CFAP61: variants seen among roughly 807,000 people sequenced by gnomAD.
The protein encoded by CFAP61 is cilia and flagella associated protein 61.
In CFAP61, 107 loss-of-function variants were observed where a neutral mutation model predicts 135.6. That is an observed-to-expected ratio of 0.79 (90% CI 0.67 to 0.93). The LOEUF (loss-of-function observed/expected upper bound fraction) is 0.93. Ranked by LOEUF, CFAP61 falls within the 40% of genes least tolerant of loss-of-function variation. The pLI is 0.00. For missense variants in CFAP61, 1,507 were observed against 1,556.2 expected, an observed-to-expected ratio of 0.97 and a Z score of 0.53; for synonymous variants, 575 against 578.5, an observed-to-expected ratio of 0.99 and a Z score of 0.09.
chr20:20,211,786 T>G (rs1396024967), intron 17 of CFAP61, among the ~76,000 whole-genome samples: 4 of 152,226 alleles, frequency 2.6e-5, no homozygotes. Context: ...GTAATTGTGG[T>G]TTTTATGGTA....
At chr20:20,200,026 A>G in intron 17 of CFAP61, 124 bp downstream of exon 17, 1 of 1,152,692 alleles carries the variant, frequency 8.7e-7, no homozygotes, top group South Asian at 1.4e-5. Flanking sequence ...TGGTGCTCAT[A>G]CCCTTACAGG....
chr20:20,071,155 G>A (rs1341326569), intron 3 of CFAP61, 151 bp downstream of exon 3: 4 of 817,942 alleles, frequency 4.9e-6, no homozygotes, highest in Non-Finnish European at 7.4e-6. Flanking sequence ...GGAAAAGAGG[G>A]CTGAGAGTAG....
At chr20:20,229,722 A>G (rs2048995935) in intron 18 of CFAP61, among the ~76,000 whole-genome samples, 1 of 152,242 alleles carries the variant, frequency 6.6e-6, no homozygotes, top group Non-Finnish European at 1.5e-5. Flanking sequence ...CTTTCTAGCC[A>G]GTTTGTTCAG....
At chr20:20,147,774 GTTTTTTT>G (rs373069233) in intron 9 of CFAP61, among the ~76,000 whole-genome samples, 1 of 150,584 alleles carries the variant, frequency 6.6e-6, no homozygotes, top group Non-Finnish European at 1.5e-5. Flanking sequence ...TTGGTTTTTT[GTTTTTTT>G]TTTTGCATTT....
chr20:20,140,774 T>C (rs6035559), intron 8 of CFAP61, among the ~76,000 whole-genome samples: 135,941 of 151,574 alleles, frequency 0.9, 61,768 homozygotes, highest in Middle Eastern at 0.99. Context: ...GTATGCTTAT[T>C]GCGGCACTAT....
chr20:20,085,378 G>A (rs991143246), intron 6 of CFAP61: 63 of 1,341,244 alleles, frequency 4.7e-5, no homozygotes, highest in Non-Finnish European at 5.2e-5. Context: ...ATTAGCACTC[G>A]GGCTGATGCA....
intron 13 of CFAP61, among the ~76,000 whole-genome samples, chr20:20,180,405 CAT>C (rs2054974996): frequency 6.6e-6 from 1 of 151,520 alleles, no homozygotes; most frequent in Non-Finnish European, 1.5e-5. Flanking sequence ...AGCCAACAAT[CAT>C]AAGAAAAAAA....
At chr20:20,318,818 G>A (rs2057283486) in intron 25 of CFAP61, among the ~76,000 whole-genome samples, 1 of 152,184 alleles carries the variant, frequency 6.6e-6, no homozygotes, top group African/African-American at 2.4e-5. Context: ...ATCCTGGGCA[G>A]ACAAAAAGCT....
At chr20:20,247,380 G>A (rs1295113560) in intron 19 of CFAP61, among the ~76,000 whole-genome samples, 5 of 152,186 alleles carry the variant, frequency 3.3e-5, no homozygotes, top group Non-Finnish European at 5.9e-5. Flanking sequence ...GTGACGCTGC[G>A]TGGGCAGACT....
intron 25 of CFAP61, among the ~76,000 whole-genome samples, chr20:20,340,922 C>T (rs1478911817): frequency 1.3e-5 from 2 of 152,140 alleles, no homozygotes; most frequent in African/African-American, 2.4e-5. Context: ...CTCTCGGCGT[C>T]GTATCTGTCC....
At chr20:20,280,800 T>C (rs2054148556) in intron 22 of CFAP61, among the ~76,000 whole-genome samples, 1 of 152,208 alleles carries the variant, frequency 6.6e-6, no homozygotes, top group Admixed American at 6.5e-5. Flanking sequence ...GCCATGTTGC[T>C]CTCCAAAGTA....
rs2054767767 is a variant in CFAP61 at position 20,288,606 on chromosome 20, TA to T, written c.2797-2del. ...AATATTGCTGTAATTGTTCACTTCG[TA>T]GATGTTCTTCAGCTTCTGTGAGAAG... On this transcript the variant is annotated splice_acceptor_variant, in intron 22 of 26. Coordinates refer to ENST00000245957, the MANE Select transcript of CFAP61 (RefSeq NM_015585.4). LOFTEE classifies it high-confidence loss of function. 1.2e-5 allele frequency: 19 copies of T among 1,609,110 alleles called. No homozygotes were observed. The highest frequency in any genetic ancestry group is 1.6e-5 in the Non-Finnish European group (19 of 1,175,614).
chr20:20,316,092 T>C (rs2057120803), intron 25 of CFAP61, among the ~76,000 whole-genome samples: 1 of 151,958 alleles, frequency 6.6e-6, no homozygotes, highest in African/African-American at 2.4e-5. Context: ...ATTGGTAGCT[T>C]GATGGGGATG....
At chr20:20,152,618 A>G (rs2052545243) in intron 9 of CFAP61, among the ~76,000 whole-genome samples, 1 of 152,206 alleles carries the variant, frequency 6.6e-6, no homozygotes, top group Non-Finnish European at 1.5e-5. Flanking sequence ...ACAGTTAAAA[A>G]AAGTGGGACA....
intron 24 of CFAP61, among the ~76,000 whole-genome samples, chr20:20,297,487 TAGA>T (rs1282498740): frequency 3.3e-5 from 5 of 152,158 alleles, no homozygotes; most frequent in Non-Finnish European, 7.4e-5. Context: ...ACGGCTGAAA[TAGA>T]AGAAGTCACT....
chr20:20,130,721 G>A (rs1421871268), intron 8 of CFAP61, among the ~76,000 whole-genome samples: 3 of 151,754 alleles, frequency 2.0e-5, no homozygotes, highest in African/African-American at 7.3e-5. Context: ...TATCCCAGTA[G>A]TGTGGGAAGG....
intron 22 of CFAP61, among the ~76,000 whole-genome samples, chr20:20,285,920 C>CA (rs11476999): frequency 0.052 from 5,680 of 110,036 alleles, 363 homozygotes; most frequent in African/African-American, 0.16. Flanking sequence ...GACCCTGTCT[C>CA]AAAAAAAAAA....
chr20:20,262,387 A>G (rs2052315294), intron 20 of CFAP61, among the ~76,000 whole-genome samples: 1 of 152,234 alleles, frequency 6.6e-6, no homozygotes, highest in African/African-American at 2.4e-5. Context: ...AGCCCAAGCT[A>G]CATGGAGAGG....
intron 26 of CFAP61, among the ~76,000 whole-genome samples, chr20:20,355,430 G>A (rs1254734609): frequency 4.2e-5 from 1 of 23,746 alleles, no homozygotes. Flanking sequence ...TCACACTGAG[G>A]GGAGGTGGTC....
Sources: allele counts gnomAD v4.1 joint callset (sites outside exome capture counted in the v4.1 genomes callset), GRCh38; gene constraint gnomAD v4.1.1; transcripts MANE v1.5; gene names NCBI Gene and HGNC (gene_info 2026-07-23, HGNC 2026-07-21).